The following HPSE variants were observed in gnomAD, a reference collection of about 807,000 sequenced individuals.
The protein encoded by HPSE is heparanase.
HPSE carries 48 observed loss-of-function variants against 65.1 expected under a neutral mutation model. The observed-to-expected ratio is 0.74, with a 90% confidence interval of 0.58 to 0.94. HPSE has a LOEUF of 0.94. Ranked by LOEUF, HPSE falls within the 40% of genes least tolerant of loss-of-function variation. The pLI is 0.00. For synonymous variants in HPSE, 243 were observed against 260.0 expected, an observed-to-expected ratio of 0.93 and a Z score of 0.63; for missense variants, 644 against 637.5, an observed-to-expected ratio of 1.01 and a Z score of -0.11.
chr4:83,309,678 A>G (rs1340525621), intron 6 of HPSE, among the ~76,000 whole-genome samples, 183 bp from the exon 7 acceptor site: 2 of 152,186 alleles, frequency 1.3e-5, no homozygotes, highest in Non-Finnish European at 2.9e-5. Context: ...ATTCTATGCA[A>G]GTAACTAGAA....
intron 11 of HPSE, among the ~76,000 whole-genome samples, chr4:83,298,786 C>A (rs1029871576): frequency 2.0e-5 from 3 of 152,044 alleles, no homozygotes; most frequent in African/African-American, 7.2e-5. Flanking sequence ...TGTGACCGCA[C>A]CACTACTCTC....
Position 83,310,900 on chromosome 4 carries a change from A to G in HPSE, c.674-10T>C, listed in dbSNP as rs975593003. ...AGGAAACTGTTAGGTTCTGAAAGAC[A>G]GCAATTCTCAAAATATATATCGAGA... On this transcript the variant is annotated splice_polypyrimidine_tract_variant and intron_variant, in intron 4 of 11. Coordinates refer to ENST00000311412, the MANE Select transcript of HPSE (RefSeq NM_001098540.3). 2.5e-6 allele frequency: 4 copies of G among 1,597,116 alleles called. No individual in the cohort carries two copies. The highest frequency in any genetic ancestry group is 1.1e-5 in the South Asian group (1 of 90,036).
chr4:83,310,127 C>T, intron 5 of HPSE, 49 bp from the exon 6 acceptor site: 1 of 1,225,330 alleles, frequency 8.2e-7, no homozygotes, highest in Non-Finnish European at 1.2e-6. Flanking sequence ...CATATATATG[C>T]ACAATATACG....
chr4:83,318,710 C>CA (rs11392395), intron 3 of HPSE, among the ~76,000 whole-genome samples: 36,586 of 89,332 alleles, frequency 0.41, 6,193 homozygotes, highest in African/African-American at 0.48. Context: ...GATTCCATCT[C>CA]AAAAAAAAAA....
upstream of HPSE, chr4:83,335,074 T>C (rs894199338): frequency 4.6e-5 from 17 of 366,376 alleles, no homozygotes; most frequent in African/African-American, 3.6e-4. Context: ...ACTTGAAGGG[T>C]GCGGAGATGG....
At chr4:83,331,221 A>G (rs1468712901) in intron 1 of HPSE, among the ~76,000 whole-genome samples, 1 of 152,132 alleles carries the variant, frequency 6.6e-6, no homozygotes, top group South Asian at 2.1e-4. Context: ...AAAAGAAAGA[A>G]AGAAATATAG....
At chr4:83,314,201 T>C (rs561034324) in intron 3 of HPSE, among the ~76,000 whole-genome samples, 1 of 146,874 alleles carries the variant, frequency 6.8e-6, no homozygotes, top group East Asian at 2.0e-4. Context: ...AAGGCTGCAG[T>C]GAGCCATGAT....
chr4:83,323,389 TGA>T (rs753748217), intron 1 of HPSE, among the ~76,000 whole-genome samples: 1 of 152,098 alleles, frequency 6.6e-6, no homozygotes, highest in Non-Finnish European at 1.5e-5. Context: ...GTGGGGATGT[TGA>T]TAATGAGGGA....
intron 3 of HPSE, among the ~76,000 whole-genome samples, chr4:83,316,961 C>T (rs546930673): frequency 2.6e-5 from 4 of 152,204 alleles, no homozygotes; most frequent in East Asian, 1.9e-4. Context: ...CGTGCGGTGG[C>T]GCAATCTCGG....
chr4:83,331,624 T>C (rs2126199121), intron 1 of HPSE, among the ~76,000 whole-genome samples: 1 of 152,330 alleles, frequency 6.6e-6, no homozygotes, highest in Middle Eastern at 3.4e-3. Context: ...TTTAGATTGC[T>C]CTATCATTGG....
At chr4:83,328,752 TTGG>T (rs1737246669) in intron 1 of HPSE, among the ~76,000 whole-genome samples, 1 of 1,356 alleles carries the variant, frequency 7.4e-4, no homozygotes, top group Non-Finnish European at 1.6e-3. Context: ...TGGGAAAGGC[TTGG>T]GGAAAGGCTT....
intron 4 of HPSE, among the ~76,000 whole-genome samples, chr4:83,312,534 C>T (rs938875246): frequency 6.2e-5 from 9 of 146,292 alleles, no homozygotes; most frequent in Admixed American, 1.4e-4. Flanking sequence ...AAAAATTAGC[C>T]GGGCGTGGTG....
At chr4:83,331,678 C>T (rs370766623) in intron 1 of HPSE, among the ~76,000 whole-genome samples, 2 of 152,236 alleles carry the variant, frequency 1.3e-5, no homozygotes, top group African/African-American at 4.8e-5. Context: ...AATGTATTTG[C>T]CATCATGGAG....
At chr4:83,335,101 C>A, upstream of HPSE, 1 of 288,076 alleles carries the variant, frequency 3.5e-6, no homozygotes. Flanking sequence ...TCCAAGCGCC[C>A]GGGAGGCCTG....
chr4:83,302,404 A>C, intron 9 of HPSE, 136 bp from the exon 10 acceptor site: 2 of 587,026 alleles, frequency 3.4e-6, no homozygotes, highest in South Asian at 2.2e-5. Flanking sequence ...AATAGGATTC[A>C]TCTTTTTTTT....
chr4:83,313,021 C>CAAAA (rs370866017), intron 4 of HPSE, 93 bp downstream of exon 4: 76 of 645,760 alleles, frequency 1.2e-4, no homozygotes, highest in African/African-American at 1.7e-4. Flanking sequence ...GACTCTGTCT[C>CAAAA]AAAAAAAAAA....
chr4:83,314,483 C>T (rs1419488552), intron 3 of HPSE, among the ~76,000 whole-genome samples: 1 of 152,004 alleles, frequency 6.6e-6, no homozygotes. Context: ...ATTTAATAAT[C>T]AAAATACAGG....
intron 1 of HPSE, 66 bp downstream of exon 1, chr4:83,334,490 C>T: frequency 1.4e-6 from 2 of 1,468,558 alleles, no homozygotes; most frequent in Non-Finnish European, 1.8e-6. Context: ...AGGAGAGCGG[C>T]TGGCGGGGCA....
intron 3 of HPSE, among the ~76,000 whole-genome samples, chr4:83,316,351 A>C (rs2126191399): frequency 8.6e-6 from 1 of 115,946 alleles, no homozygotes; most frequent in African/African-American, 3.3e-5. Context: ...AAAAAAAAAC[A>C]AAAAAAACAG....
Sources: gnomAD v4.1 joint callset for allele counts (sites outside exome capture counted in the v4.1 genomes callset) on GRCh38, gnomAD v4.1.1 for gene constraint, MANE v1.5 for transcripts, NCBI Gene and HGNC (gene_info 2026-07-23, HGNC 2026-07-21) for gene names.